UBA2: variants seen among roughly 807,000 people sequenced by gnomAD.
The protein encoded by UBA2 is ubiquitin like modifier activating enzyme 2.
UBA2 carries 11 observed loss-of-function variants against 77.2 expected under a neutral mutation model. The ratio of observed to expected loss-of-function variants is 0.14; its 90% confidence interval spans 0.09 to 0.24. The LOEUF (loss-of-function observed/expected upper bound fraction) is 0.24. Ranked by LOEUF, UBA2 falls within the 10% of genes least tolerant of loss-of-function variation. The pLI is 1.00. For synonymous variants in UBA2, 278 were observed against 276.7 expected (o/e 1.00, Z -0.05); for missense variants, 487 against 781.7 (o/e 0.62, Z 4.50).
At chr19:34,439,380 T>G (rs2075343865) in intron 6 of UBA2, among the ~76,000 whole-genome samples, 2 of 152,214 alleles carry the variant, frequency 1.3e-5, no homozygotes, top group Non-Finnish European at 2.9e-5. Context: ...TACTCTGTAC[T>G]GATAATGATG....
In UBA2 at chr19:34,430,591, A is replaced by G. The variant is rs2075242430; in HGVS notation, c.154A>G (p.Ile52Val). The change falls in exon 2 of 17, where the codon ATT becomes GTT. Residue 52 changes from isoleucine (I) to valine (V), a missense_variant. Around this residue, in one of 9 missense-constraint regions of UBA2, gnomAD observed 6 missense variants for 37.2 expected, o/e 0.16. Coordinates refer to ENST00000246548, the MANE Select transcript of UBA2 (RefSeq NM_005499.3). ...GCATTTGTAGATTGATCTGGATACT[A>G]TTGATGTAAGCAACCTCAACAGACA... ...SHIDLIDLDTIDVSNLNRQFL... is the reference protein window; with the variant it reads ...SHIDLIDLDTVDVSNLNRQFL... The G allele has an allele frequency of 1.9e-6, 3 of 1,613,612 alleles. No homozygotes were observed. Among genetic ancestry groups the G allele is most frequent in the East Asian group, 4.5e-5 (2 of 44,838 alleles).
intron 6 of UBA2, 144 bp downstream of exon 6, chr19:34,438,910 T>C: frequency 8.5e-7 from 1 of 1,183,104 alleles, no homozygotes; most frequent in Non-Finnish European, 1.2e-6. Context: ...GCAGTATTTC[T>C]TAGGTTAAAT....
chr19:34,428,641 T>A, intron 1 of UBA2, 71 bp downstream of exon 1: 2 of 712,118 alleles, frequency 2.8e-6, no homozygotes, highest in Non-Finnish European at 3.6e-6. Context: ...GTTCCGGGGC[T>A]CCAGGGGCTC....
chr19:34,442,149 C>T (rs917897925), intron 6 of UBA2, among the ~76,000 whole-genome samples: 1 of 152,044 alleles, frequency 6.6e-6, no homozygotes, highest in African/African-American at 2.4e-5. Flanking sequence ...GTGAGAGGAT[C>T]ACTTGAGCCT....
At position 34,443,895 on chromosome 19, in the gene UBA2, T is replaced by C. The variant is rs1260710510; in HGVS notation, c.633T>C (p.Ala211=). 6.2e-7 allele frequency: 1 copy of C among 1,610,376 alleles called. No individual in the cohort carries two copies. The highest frequency in any genetic ancestry group is 8.5e-7 in the Non-Finnish European group (1 of 1,176,732). Residue 211 remains alanine, a synonymous_variant, in exon 7 of 17, where the codon GCT becomes GCC. Coordinates refer to ENST00000246548, the MANE Select transcript of UBA2 (RefSeq NM_005499.3). ...DADQEVSPDR[A]DPEAAWEPTE... Reference sequence around the variant, plus strand: ...ATCAAGAAGTATCTCCTGACAGAGCTGACCCTGAAGCTGCCTGTGAGTAAA... The same window carrying C: ...ATCAAGAAGTATCTCCTGACAGAGCCGACCCTGAAGCTGCCTGTGAGTAAA...
At chr19:34,452,199 G>A in intron 10 of UBA2, 52 bp downstream of exon 10, 2 of 1,395,618 alleles carry the variant, frequency 1.4e-6, no homozygotes, top group Non-Finnish European at 1.9e-6. Flanking sequence ...GTGTGTTTTA[G>A]TTCTTGAGAT....
chr19:34,428,423 T>C lies in UBA2; in HGVS notation c.-10T>C. On this transcript the variant is annotated 5_prime_UTR_variant, in exon 1 of 17. Transcript: ENST00000246548. ...CCTCCGCCTCCGCCGCGGCTCGTGGTTGTCCCGCCATGGCACTGTCGCGGG... is the reference window on the plus strand; with the variant it reads ...CCTCCGCCTCCGCCGCGGCTCGTGGCTGTCCCGCCATGGCACTGTCGCGGG... 8.0e-7 allele frequency: 1 copy of C among 1,256,358 alleles called. No individual in the cohort carries two copies. Among genetic ancestry groups the C allele is most frequent in the Admixed American group, 3.9e-5 (1 of 25,716 alleles). 77.8% of individuals were successfully genotyped at this position (1,256,358 alleles called of 1,614,324 possible).
chr19:34,438,866 A>G, intron 6 of UBA2, 100 bp downstream of exon 6: 3 of 1,454,044 alleles, frequency 2.1e-6, no homozygotes, highest in Non-Finnish European at 2.8e-6. Flanking sequence ...CAGGATGTTT[A>G]AATATGGTGA....
At chr19:34,457,179 A>AAAAAAATATATATATATAT (rs1262007864) in intron 12 of UBA2, among the ~76,000 whole-genome samples, 3 of 53,220 alleles carry the variant, frequency 5.6e-5, no homozygotes, top group Admixed American at 2.0e-4. Flanking sequence ...AAAAAAAAAA[A>AAAAAAATATATATATATAT]ATATATATAT....
chr19:34,466,930 A>G lies in UBA2; in HGVS notation c.1657A>G (p.Lys553Glu). ...EFEVVGDAPE[K>E]VGPKQAEDAA... ...TGAAGTTGTTGGTGATGCCCCGGAA[A>G]AAGTGGGGCCCAAACAAGCTGAAGA... is the stretch of plus-strand genomic sequence containing the variant. Residue 553 changes from lysine (K) to glutamate (E), a missense_variant, in exon 16 of 17, where the codon AAA (lysine) becomes GAA (glutamate). This residue lies in a region of UBA2 where 300 missense variants were observed against 454.3 expected (regional missense o/e 0.66). Transcript: ENST00000246548. The G allele has an allele frequency of 2.5e-6, 4 of 1,613,978 alleles. No homozygotes were observed. The highest frequency in any genetic ancestry group is 3.4e-6 in the Non-Finnish European group (4 of 1,180,008).
At chr19:34,432,049 G>A (rs1599885826) in intron 3 of UBA2, 118 bp downstream of exon 3, 1 of 723,748 alleles carries the variant, frequency 1.4e-6, no homozygotes. Context: ...TTAAACAGTG[G>A]TGGTTTCTGC....
At chr19:34,441,883 T>C (rs1037348822) in intron 6 of UBA2, among the ~76,000 whole-genome samples, 1 of 149,266 alleles carries the variant, frequency 6.7e-6, no homozygotes, top group Non-Finnish European at 1.5e-5. Context: ...ATCATGCTAC[T>C]GCACTCCAAC....
intron 13 of UBA2, among the ~76,000 whole-genome samples, chr19:34,460,112 C>G (rs1459617108): frequency 6.6e-6 from 1 of 152,098 alleles, no homozygotes; most frequent in Non-Finnish European, 1.5e-5. Flanking sequence ...AGAACTGATT[C>G]CATCTATGAA....
At chr19:34,449,065 C>CTTTTTTTTTTTTTTTTTTTTTTTTTTTTT (rs11332668) in intron 8 of UBA2, among the ~76,000 whole-genome samples, 2 of 73,818 alleles carry the variant, frequency 2.7e-5, no homozygotes, top group Non-Finnish European at 4.9e-5. Flanking sequence ...AAATATAAAT[C>CTTTTTTTTTTTTTTTTTTTTTTTTTTTTT]TTTTTTTTTT....
At chr19:34,433,784 A>G (rs769213360) in intron 4 of UBA2, among the ~76,000 whole-genome samples, 2 of 152,056 alleles carry the variant, frequency 1.3e-5, no homozygotes, top group African/African-American at 2.4e-5. Flanking sequence ...ACATGGTGAA[A>G]CCGTCTCTAC....
intron 14 of UBA2, among the ~76,000 whole-genome samples, chr19:34,462,490 G>A (rs1221578192): frequency 6.6e-6 from 1 of 152,140 alleles, no homozygotes; most frequent in Non-Finnish European, 1.5e-5. Context: ...AGAATGCCAA[G>A]GGCATTCCTG....
At chr19:34,457,179 A>ATATATATATATAT (rs1555730726) in intron 12 of UBA2, among the ~76,000 whole-genome samples, 47 of 53,210 alleles carry the variant, frequency 8.8e-4, no homozygotes, top group African/African-American at 1.4e-3. Context: ...AAAAAAAAAA[A>ATATATATATATAT]ATATATATAT....
chr19:34,451,312 G>C (rs936264294), intron 9 of UBA2, among the ~76,000 whole-genome samples: 1 of 151,990 alleles, frequency 6.6e-6, no homozygotes, highest in East Asian at 1.9e-4. Flanking sequence ...AAAAGATCCC[G>C]GGAGACTTGG....
chr19:34,432,613 A>T (rs1685013683), intron 3 of UBA2, among the ~76,000 whole-genome samples: 1 of 152,080 alleles, frequency 6.6e-6, no homozygotes, highest in African/African-American at 2.4e-5. Context: ...GCTGGAGTAC[A>T]GTGGCATGAT....
Sources: gnomAD v4.1 joint callset for allele counts (sites outside exome capture counted in the v4.1 genomes callset) on GRCh38, gnomAD v4.1.1 for gene constraint, gnomAD v4.1.1 regional missense constraint, MANE v1.5 for transcripts, NCBI Gene and HGNC (gene_info 2026-07-23, HGNC 2026-07-21) for gene names.